The following CDH13 variants were observed in gnomAD, a reference collection of about 807,000 sequenced individuals.
The protein encoded by CDH13 is cadherin 13, also known as cadherin-13.
CDH13 carries 24 observed loss-of-function variants against 63.8 expected under a neutral mutation model. The ratio of observed to expected loss-of-function variants is 0.38; its 90% confidence interval spans 0.27 to 0.53. The LOEUF (loss-of-function observed/expected upper bound fraction) is 0.53, where lower values mean the gene tolerates loss of function less well. CDH13 is among the 20% of genes least tolerant of loss of function. The pLI, the probability that CDH13 is intolerant of heterozygous loss-of-function variation, is 0.85. For missense variants in CDH13, 1,049 were observed against 903.1 expected (o/e 1.16, Z -2.07); for synonymous variants, 503 against 355.3 (o/e 1.42, Z -4.67).
intron 1 of CDH13, among the ~76,000 whole-genome samples, chr16:82,789,394 T>C (rs929719644): frequency 6.6e-6 from 1 of 152,220 alleles, no homozygotes; most frequent in Non-Finnish European, 1.5e-5. Flanking sequence ...ATCTCACCTT[T>C]GATGATACAC....
rs58505161 is a variant in CDH13 at position 83,073,354 on chromosome 16, TGAGAGAGAGA to T, written c.366+41150_366+41159del. ...GTGTGTGTGTGTGTGTGTGTGTGTG[TGAGAGAGAGA>T]GAGAGAGAGAGAGCTTTCTTAATTA... On this transcript the variant is annotated intron_variant, in intron 3 of 13. Transcript: ENST00000567109. 3.9e-3 allele frequency among the ~76,000 whole-genome samples: 543 copies of T among 139,822 alleles called. 2 individuals carry two copies. The highest frequency in any genetic ancestry group is 5.6e-3 in the Admixed American group (78 of 14,014). The allele number at this position is 139,822 out of a possible 152,430, so 91.7% of individuals were successfully genotyped here.
chr16:82,892,212 A>T (rs2041104484), intron 2 of CDH13, among the ~76,000 whole-genome samples: 1 of 152,204 alleles, frequency 6.6e-6, no homozygotes, highest in Non-Finnish European at 1.5e-5. Context: ...TTGAGGATTA[A>T]ATGAGTTAAC....
intron 6 of CDH13, among the ~76,000 whole-genome samples, chr16:83,364,388 A>G (rs1050426473): frequency 7.9e-5 from 12 of 152,196 alleles, no homozygotes; most frequent in African/African-American, 2.9e-4. Context: ...ATTTTCATAC[A>G]TATCACCTCA....
chr16:82,682,402 G>A (rs1356279540), intron 1 of CDH13, among the ~76,000 whole-genome samples: 1 of 152,192 alleles, frequency 6.6e-6, no homozygotes, highest in Non-Finnish European at 1.5e-5. Context: ...GAGAAACAGA[G>A]GAGAGGCCAC....
chr16:83,099,979 C>A (rs537527281), intron 3 of CDH13, among the ~76,000 whole-genome samples: 95 of 152,276 alleles, frequency 6.2e-4, no homozygotes, highest in African/African-American at 2.2e-3. Context: ...CAGCCTACTG[C>A]CCTGATCATG....
chr16:82,917,799 CAG>C (rs1258665922), intron 2 of CDH13, among the ~76,000 whole-genome samples: 2 of 151,276 alleles, frequency 1.3e-5, no homozygotes, highest in African/African-American at 4.9e-5. Context: ...CCTGTTATCT[CAG>C]ATACTTGGGA....
chr16:83,042,981 C>T (rs1434156528), intron 3 of CDH13, among the ~76,000 whole-genome samples: 4 of 152,144 alleles, frequency 2.6e-5, no homozygotes, highest in Non-Finnish European at 5.9e-5. Context: ...CAAAAGCCTC[C>T]CCAGGTACTG....
At chr16:82,650,160 A>T (rs905616888) in intron 1 of CDH13, among the ~76,000 whole-genome samples, 1 of 152,236 alleles carries the variant, frequency 6.6e-6, no homozygotes, top group African/African-American at 2.4e-5. Flanking sequence ...GATTTTGTGT[A>T]AAATAGGATG....
intron 2 of CDH13, among the ~76,000 whole-genome samples, chr16:82,909,816 C>T (rs2041771598): frequency 6.6e-6 from 1 of 152,174 alleles, no homozygotes; most frequent in Non-Finnish European, 1.5e-5. Flanking sequence ...CAAACGATAT[C>T]AGATGTACTT....
chr16:82,758,655 C>T (rs1597489706), intron 1 of CDH13, among the ~76,000 whole-genome samples: 3 of 152,138 alleles, frequency 2.0e-5, no homozygotes, highest in African/African-American at 4.8e-5. Flanking sequence ...ATGCTTAAGG[C>T]ATTACAGAGG....
chr16:83,257,582 C>T (rs939296964), intron 5 of CDH13, among the ~76,000 whole-genome samples: 1 of 152,284 alleles, frequency 6.6e-6, no homozygotes, highest in African/African-American at 2.4e-5. Flanking sequence ...TGCACACCAG[C>T]AGCACTAATC....
At chr16:83,116,365 G>C (rs5008765) in intron 3 of CDH13, among the ~76,000 whole-genome samples, 28,376 of 152,078 alleles carry the variant, frequency 0.19, 3,857 homozygotes, top group African/African-American at 0.39. Context: ...ACTGCAGGTA[G>C]CTGGAGGCCT....
chr16:83,240,163 T>C (rs1015838613), intron 5 of CDH13, among the ~76,000 whole-genome samples: 7 of 152,124 alleles, frequency 4.6e-5, no homozygotes, highest in African/African-American at 1.4e-4. Flanking sequence ...TTTGTTGGTG[T>C]ACCCCTCATT....
In CDH13 at chr16:83,037,496, A is replaced by G. The variant is rs1043485466; in HGVS notation, c.366+5278A>G. On this transcript the variant is annotated intron_variant, in intron 3 of 13. Transcript: ENST00000567109. Reference sequence around the variant, plus strand: ...AGGGAAACCAGAAGCAAGATTTGCCAGAAAGGAAGAAAGAGCCAGGATCCC... The same window carrying G: ...AGGGAAACCAGAAGCAAGATTTGCCGGAAAGGAAGAAAGAGCCAGGATCCC... Among the ~76,000 whole-genome samples the G allele has an allele frequency of 8.5e-5, 13 of 152,230 alleles. 1 individual carries two copies. Among genetic ancestry groups the G allele is most frequent in the Middle Eastern group, 6.3e-3 (2 of 316 alleles).
chr16:83,034,719 A>G (rs1916690584), intron 3 of CDH13, among the ~76,000 whole-genome samples: 1 of 152,118 alleles, frequency 6.6e-6, no homozygotes, highest in South Asian at 2.1e-4. Flanking sequence ...TTTTGCTTCA[A>G]AGAGAGCAGA....
chr16:83,704,403 A>G (rs532631779), intron 10 of CDH13, among the ~76,000 whole-genome samples: 277 of 152,216 alleles, frequency 1.8e-3, no homozygotes, highest in Non-Finnish European at 2.6e-3. Context: ...CAAGCCCCTT[A>G]CAAGCTTAGA....
chr16:83,065,212 C>G (rs1169586036), intron 3 of CDH13, among the ~76,000 whole-genome samples: 2 of 152,258 alleles, frequency 1.3e-5, no homozygotes, highest in African/African-American at 2.4e-5. Context: ...GAAGTTATCC[C>G]TGAGGAATCC....
intron 3 of CDH13, among the ~76,000 whole-genome samples, chr16:83,106,252 C>T (rs990456641): frequency 2.0e-5 from 3 of 152,194 alleles, no homozygotes; most frequent in Admixed American, 6.5e-5. Flanking sequence ...ACTTAACATA[C>T]AAGCAGGCCA....
At chr16:83,053,909 G>C (rs2030649759) in intron 3 of CDH13, among the ~76,000 whole-genome samples, 1 of 152,158 alleles carries the variant, frequency 6.6e-6, no homozygotes. Flanking sequence ...ATAGTCACGT[G>C]TGACATAACA....
Sources: gnomAD v4.1 joint callset for allele counts (sites outside exome capture counted in the v4.1 genomes callset) on GRCh38, gnomAD v4.1.1 for gene constraint, MANE v1.5 for transcripts, NCBI Gene and HGNC (gene_info 2026-07-23, HGNC 2026-07-21) for gene names.